Variants in APP observed in about 807,000 individuals in gnomAD.
APP encodes amyloid beta precursor protein, also known as amyloid-beta precursor protein.
APP carries 31 observed loss-of-function variants against 101.4 expected under a neutral mutation model. The ratio of observed to expected loss-of-function variants is 0.31; its 90% CI spans 0.23 to 0.41. APP has a LOEUF of 0.41. APP is among the 10% of genes least tolerant of loss of function. The probability of loss-of-function intolerance (pLI) is 1.00; values close to 1 mark genes in which losing one functional copy is unlikely to be tolerated. For synonymous variants in APP, 366 were observed against 364.4 expected (o/e 1.00, Z -0.05); for missense variants, 839 against 1,003.7 (o/e 0.84, Z 2.22).
chr21:25,969,866 A>G (rs1173315118), intron 11 of APP, among the ~76,000 whole-genome samples: 5 of 26,896 alleles, frequency 1.9e-4, no homozygotes, highest in African/African-American at 7.2e-4. Context: ...AAAGAAAAGA[A>G]AAGAAAAGAG....
Position 26,042,244 on chromosome 21 carries a change from T to A in APP, c.662+8756A>T, listed in dbSNP as rs116323449. ...GAGATACAAATAAAAAGATATATAGTCAAATACAGCCTCTCTTTCTCTCTC... is the reference window on the plus strand; with the variant it reads ...GAGATACAAATAAAAAGATATATAGACAAATACAGCCTCTCTTTCTCTCTC... On this transcript the variant is annotated intron_variant, in intron 5 of 17. Coordinates refer to ENST00000346798, the MANE Select transcript of APP (RefSeq NM_000484.4). Among the ~76,000 whole-genome samples the A allele has an allele frequency of 8.6e-4, 131 of 152,278 alleles. 2 individuals carry two copies. Among genetic ancestry groups the A allele is most frequent in the African/African-American group, 3.1e-3 (128 of 41,556 alleles).
intron 3 of APP, among the ~76,000 whole-genome samples, chr21:26,065,969 C>A (rs45589634): frequency 6.6e-6 from 1 of 152,214 alleles, no homozygotes; most frequent in African/African-American, 2.4e-5. Context: ...GATTCATCTT[C>A]TCCCTAGCTC....
At chr21:25,887,613 T>C (rs1325632705) in intron 17 of APP, among the ~76,000 whole-genome samples, 6 of 150,718 alleles carry the variant, frequency 4.0e-5, no homozygotes, top group Admixed American at 2.7e-4. Context: ...GGCCACATAA[T>C]GACATTTTAG....
chr21:26,065,501 T>C (rs2046422856), intron 3 of APP, among the ~76,000 whole-genome samples: 1 of 152,212 alleles, frequency 6.6e-6, no homozygotes, highest in South Asian at 2.1e-4. Flanking sequence ...ATCACATATA[T>C]ACCGAAAATT....
intron 9 of APP, among the ~76,000 whole-genome samples, chr21:25,981,210 G>T (rs2042418857): frequency 6.6e-6 from 1 of 152,212 alleles, no homozygotes; most frequent in Non-Finnish European, 1.5e-5. Context: ...TTACAGGAAA[G>T]ATTAATTGTC....
At chr21:25,921,572 C>A (rs2146355258) in intron 13 of APP, among the ~76,000 whole-genome samples, 1 of 146,690 alleles carries the variant, frequency 6.8e-6, no homozygotes, top group East Asian at 2.0e-4. Flanking sequence ...GAAATACAAA[C>A]TACCATCAGA....
chr21:26,170,515 G>A, intron 1 of APP, 49 bp downstream of exon 1: 4 of 1,525,322 alleles, frequency 2.6e-6, no homozygotes, highest in Non-Finnish European at 3.5e-6. Context: ...GGGGGGTATC[G>A]CGTCCCCACC....
At chr21:26,025,112 CT>C (rs537723662) in intron 5 of APP, among the ~76,000 whole-genome samples, 189 of 149,334 alleles carry the variant, frequency 1.3e-3, no homozygotes, top group African/African-American at 4.1e-3. Context: ...AAATAACTGA[CT>C]TTTTTTTTTG....
At chr21:26,016,264 C>T (rs2044058786) in intron 6 of APP, among the ~76,000 whole-genome samples, 1 of 152,150 alleles carries the variant, frequency 6.6e-6, no homozygotes, top group Admixed American at 6.5e-5. Flanking sequence ...AACTCCTGAC[C>T]TCAGGTGATC....
intron 1 of APP, among the ~76,000 whole-genome samples, chr21:26,116,677 G>T (rs2062442414): frequency 6.6e-6 from 1 of 152,152 alleles, no homozygotes; most frequent in African/African-American, 2.4e-5. Context: ...TAGCTGAGAG[G>T]TCCTGTTTGG....
At chr21:26,080,066 G>A (rs1172755651) in intron 3 of APP, among the ~76,000 whole-genome samples, 1 of 151,742 alleles carries the variant, frequency 6.6e-6, no homozygotes, top group Non-Finnish European at 1.5e-5. Flanking sequence ...AGAGGTTGCA[G>A]TGAGCCGAGA....
In APP at chr21:25,982,445, C is replaced by T. The variant is rs141331202; in HGVS notation, c.1123G>A (p.Val375Ile). 42 of 1,613,398 alleles carry T rather than the reference C, an allele frequency of 2.6e-5. No individual in the cohort carries two copies. The highest frequency in any genetic ancestry group is 3.2e-5 in the Non-Finnish European group (38 of 1,179,700). ...CCAGGTGTCTCGAGATACTTGTCAA[C>T]GGCATCAGGGGTACTGGCTGCTGTT... is the stretch of plus-strand genomic sequence containing the variant. Reference protein sequence around the residue: ...PTTAASTPDAVDKYLETPGDE... With the variant: ...PTTAASTPDAIDKYLETPGDE... The change falls in exon 9 of 18, where the codon GTT (valine) becomes ATT (isoleucine). Residue 375 changes from valine to isoleucine, a missense_variant. Val to Ile is a conservative substitution (Grantham distance 29). Transcript: ENST00000346798.
chr21:26,122,501 A>G (rs2062596282), intron 1 of APP, among the ~76,000 whole-genome samples: 1 of 152,196 alleles, frequency 6.6e-6, no homozygotes, highest in Non-Finnish European at 1.5e-5. Context: ...GAGGCCAGCT[A>G]AACTCTCTAG....
At chr21:26,125,383 C>A (rs552290534) in intron 1 of APP, among the ~76,000 whole-genome samples, 3 of 152,138 alleles carry the variant, frequency 2.0e-5, no homozygotes, top group Non-Finnish European at 2.9e-5. Flanking sequence ...ATTGTATATT[C>A]ATGATTATTA....
intron 2 of APP, among the ~76,000 whole-genome samples, chr21:26,111,087 TAAAA>T (rs576900084): frequency 1.4e-4 from 12 of 88,456 alleles, no homozygotes; most frequent in East Asian, 3.2e-4. Flanking sequence ...AAAGTTAAGT[TAAAA>T]AAAAAAAAAA....
intron 11 of APP, among the ~76,000 whole-genome samples, chr21:25,972,547 T>C (rs546410658): frequency 1.3e-5 from 2 of 152,310 alleles, no homozygotes; most frequent in East Asian, 3.9e-4. Flanking sequence ...TCAAACTTTT[T>C]TTTTTAAAGA....
At chr21:26,096,206 C>T (rs2061938916) in intron 2 of APP, among the ~76,000 whole-genome samples, 1 of 152,358 alleles carries the variant, frequency 6.6e-6, no homozygotes, top group African/African-American at 2.4e-5. Context: ...ACCCCTCTTA[C>T]AGAATGTTTT....
At chr21:26,147,351 A>C (rs1295948359) in intron 1 of APP, among the ~76,000 whole-genome samples, 1 of 152,192 alleles carries the variant, frequency 6.6e-6, no homozygotes, top group Non-Finnish European at 1.5e-5. Context: ...ATGTTAAAGA[A>C]TTCTTCTCTC....
Position 25,960,804 on chromosome 21 carries a change from G to C in APP, c.1459-5049C>G, listed in dbSNP as rs568118807. Among the ~76,000 whole-genome samples the C allele has an allele frequency of 2.3e-4, 35 of 152,298 alleles. No homozygotes were observed. The South Asian group carries it at 6.6e-3, about 29-fold the overall frequency. On this transcript the variant is annotated intron_variant, in intron 11 of 17. Coordinates refer to ENST00000346798, the MANE Select transcript of APP (RefSeq NM_000484.4). ...CTGGGAACATCAGATAATTCAGGAA[G>C]ACCTTAGGATATCTCCCAATAAATG...
Sources: gnomAD v4.1 joint callset for allele counts (sites outside exome capture counted in the v4.1 genomes callset) on GRCh38, gnomAD v4.1.1 for gene constraint, MANE v1.5 for transcripts, NCBI Gene and HGNC (gene_info 2026-07-23, HGNC 2026-07-21) for gene names.